NPHP4: variants seen among roughly 807,000 people sequenced by gnomAD.
NPHP4 encodes the protein nephrocystin 4.
A neutral mutation model predicts 155.8 loss-of-function variants in NPHP4; 151 were observed. The observed-to-expected ratio is 0.97, with a 90% CI of 0.85 to 1.11. The LOEUF (loss-of-function observed/expected upper bound fraction) is 1.11, where lower values mean the gene tolerates loss of function less well. Ranked by LOEUF, NPHP4 falls within the 50% of genes least tolerant of loss-of-function variation. The probability of loss-of-function intolerance (pLI) is 0.00; values close to 1 mark genes in which losing one functional copy is unlikely to be tolerated. For missense variants in NPHP4, 1,956 were observed against 1,925.7 expected, an observed-to-expected ratio of 1.02 and a Z score of -0.29; for synonymous variants, 845 against 816.8, an observed-to-expected ratio of 1.03 and a Z score of -0.59.
intron 16 of NPHP4, among the ~76,000 whole-genome samples, chr1:5,900,033 G>A (rs1644592868): frequency 6.6e-6 from 1 of 152,214 alleles, no homozygotes; most frequent in South Asian, 2.1e-4. Context: ...GCCTGCTAGA[G>A]CGGCTAAAAT....
At chr1:5,986,019 G>C (rs1655425974) in intron 2 of NPHP4, 136 bp downstream of exon 2, 1 of 840,084 alleles carries the variant, frequency 1.2e-6, no homozygotes, top group African/African-American at 1.7e-5. Flanking sequence ...AAACAGAATG[G>C]CTATATGGGT....
At chr1:5,909,874 C>G (rs6650095) in intron 11 of NPHP4, among the ~76,000 whole-genome samples, 2 of 152,172 alleles carry the variant, frequency 1.3e-5, no homozygotes, top group African/African-American at 4.8e-5. Flanking sequence ...CAGCCTCCTC[C>G]CAGGGCCACC....
At chr1:5,883,878 T>C (rs948044009) in intron 18 of NPHP4, among the ~76,000 whole-genome samples, 5 of 144,440 alleles carry the variant, frequency 3.5e-5, no homozygotes, top group African/African-American at 1.5e-4. Flanking sequence ...CAACTGGGCC[T>C]GGGGCAGGCG....
chr1:5,983,461 AC>A (rs1655022262), intron 2 of NPHP4, among the ~76,000 whole-genome samples: 1 of 152,226 alleles, frequency 6.6e-6, no homozygotes, highest in African/African-American at 2.4e-5. Context: ...TGGACATGCT[AC>A]ACAACATTTC....
intron 8 of NPHP4, 110 bp from the exon 9 acceptor site, chr1:5,947,340 G>T (rs752280669): frequency 1.2e-5 from 14 of 1,156,128 alleles, no homozygotes; most frequent in Non-Finnish European, 1.6e-5. Flanking sequence ...GGGGACACAG[G>T]GGTGCTGCTG....
chr1:5,980,439 C>T lies in NPHP4; in HGVS notation c.136-2026G>A, dbSNP rs140021613. ...CGCAAGAGCGTTCAGGCAGGCCTCA[C>T]GGCGCGAGGAGAAGCTGGGTTCTCA... On this transcript the variant is annotated intron_variant, in intron 2 of 29. Transcript: ENST00000378156. Among the ~76,000 whole-genome samples the T allele has an allele frequency of 3.6e-3, 550 of 152,354 alleles. 5 individuals carry two copies. Among genetic ancestry groups the T allele is most frequent in the South Asian group, 7.2e-3 (35 of 4,828 alleles).
intron 27 of NPHP4, 57 bp downstream of exon 27, chr1:5,865,045 C>G (rs1341286075): frequency 1.3e-6 from 2 of 1,564,072 alleles, no homozygotes; most frequent in Non-Finnish European, 1.8e-6. Flanking sequence ...ATGCCCACTG[C>G]CCGTCTCCAG....
At chr1:5,921,164 C>A (rs547259942) in intron 11 of NPHP4, among the ~76,000 whole-genome samples, 4 of 152,338 alleles carry the variant, frequency 2.6e-5, no homozygotes, top group African/African-American at 9.6e-5. Flanking sequence ...TGTGTTCATT[C>A]AACATGCCTT....
At chr1:5,920,026 A>G (rs1645661442) in intron 11 of NPHP4, among the ~76,000 whole-genome samples, 1 of 152,140 alleles carries the variant, frequency 6.6e-6, no homozygotes. Flanking sequence ...TCTGACTCCC[A>G]GGTTCAAGAG....
At position 5,892,299 on chromosome 1, in the gene NPHP4, G is replaced by C. The variant is rs1451084387; in HGVS notation, c.2144-1271C>G. The stretch of plus-strand genomic sequence containing the variant: ...CTTGTCGGACAGTGGGTGAGAGTTG[G>C]GAGGCTGGTCAGAGGAGCCTAGACC... On this transcript the variant is annotated intron_variant, in intron 16 of 29. Transcript: ENST00000378156. The surrounding 1 kb of genome is among the most constrained non-coding windows in gnomAD (Gnocchi z 4.5). 6.6e-6 allele frequency among the ~76,000 whole-genome samples: 1 copy of C among 152,116 alleles called. No homozygotes were observed. Among genetic ancestry groups the C allele is most frequent in the Non-Finnish European group, 1.5e-5 (1 of 68,006 alleles).
intron 23 of NPHP4, among the ~76,000 whole-genome samples, chr1:5,868,973 ACACACATCCACC>A (rs1394298865): frequency 2.8e-5 from 4 of 143,678 alleles, no homozygotes; most frequent in African/African-American, 8.0e-5. Flanking sequence ...ACACACATGC[ACACACATCCACC>A]CACACATGCA....
chr1:5,898,031 G>A (rs909323220), intron 16 of NPHP4, among the ~76,000 whole-genome samples: 4 of 152,244 alleles, frequency 2.6e-5, no homozygotes, highest in African/African-American at 9.6e-5. Flanking sequence ...CGGCAAGGCT[G>A]TGCTAGGTGG....
At chr1:5,908,184 C>A (rs1645006563) in intron 12 of NPHP4, among the ~76,000 whole-genome samples, 1 of 152,226 alleles carries the variant, frequency 6.6e-6, no homozygotes, top group African/African-American at 2.4e-5. Flanking sequence ...ATCTTTGGGG[C>A]CTACCCAGCT....
rs1481262186 is a variant in NPHP4 at position 5,874,628 on chromosome 1, T to G, written c.3074A>C (p.Asp1025Ala). The G allele has an allele frequency of 6.2e-7, 1 of 1,611,786 alleles. No individual in the cohort carries two copies. The highest frequency in any genetic ancestry group is 1.3e-5 in the African/African-American group (1 of 74,854). The change falls in exon 22 of 30, where the codon GAC becomes GCC. Residue 1025 changes from aspartate to alanine, a missense_variant. Asp to Ala is a moderately radical substitution (Grantham distance 126). Transcript: ENST00000378156. ...GTGCAGGCCAGCAGCACCCTTGAAG[T>G]CCCTCCACTCCTGACTGTCCACGAT... is the stretch of plus-strand genomic sequence containing the variant. ...SVIVDSQEWRDFKGAAGLHTP... is the reference protein window; with the variant it reads ...SVIVDSQEWRAFKGAAGLHTP...
chr1:5,943,593 A>C (rs1646935859), intron 9 of NPHP4, among the ~76,000 whole-genome samples: 3 of 152,346 alleles, frequency 2.0e-5, no homozygotes, highest in Admixed American at 2.0e-4. Flanking sequence ...CAGATCCTCC[A>C]GTCAAAGGCA....
chr1:5,929,516 G>C (rs997316403), intron 10 of NPHP4, among the ~76,000 whole-genome samples: 2 of 152,178 alleles, frequency 1.3e-5, no homozygotes, highest in Non-Finnish European at 2.9e-5. Context: ...AACTGATGCT[G>C]AATATCGTCA....
chr1:5,909,955 T>C (rs984971761), intron 11 of NPHP4, among the ~76,000 whole-genome samples: 1 of 152,134 alleles, frequency 6.6e-6, no homozygotes, highest in African/African-American at 2.4e-5. Context: ...CCAGGCCACA[T>C]GGACACCTCA....
In NPHP4 at chr1:5,885,158, C is replaced by T. The variant is rs115621845; in HGVS notation, c.2485+2128G>A. ...ACTGCCCAAGCTCCCAGCCGAACCCCCATCCTACTCGACAACCAAGATCAC... is the reference window on the plus strand; with the variant it reads ...ACTGCCCAAGCTCCCAGCCGAACCCTCATCCTACTCGACAACCAAGATCAC... On this transcript the variant is annotated intron_variant, in intron 18 of 29. Coordinates refer to ENST00000378156, the MANE Select transcript of NPHP4 (RefSeq NM_015102.5). 2.0e-3 allele frequency among the ~76,000 whole-genome samples: 292 copies of T among 148,820 alleles called. 1 individual carries two copies. The highest frequency in any genetic ancestry group is 7.1e-3 in the African/African-American group (284 of 40,182).
At chr1:5,971,168 C>T (rs1425668474) in intron 3 of NPHP4, among the ~76,000 whole-genome samples, 2 of 152,226 alleles carry the variant, frequency 1.3e-5, no homozygotes, top group Non-Finnish European at 2.9e-5. Context: ...CCGGGTGGAA[C>T]CTGCCGCTAC....
Sources: gnomAD v4.1 joint callset for allele counts (sites outside exome capture counted in the v4.1 genomes callset) on GRCh38, gnomAD v4.1.1 for gene constraint, Gnocchi (gnomAD v3.1) non-coding constraint, MANE v1.5 for transcripts, NCBI Gene and HGNC (gene_info 2026-07-23, HGNC 2026-07-21) for gene names.